The following FASTKD1 variants were observed in gnomAD, a reference collection of about 807,000 sequenced individuals.
The protein encoded by FASTKD1 is FAST kinase domain-containing protein 1, mitochondrial.
Under a neutral mutation model 90.9 loss-of-function variants are expected in FASTKD1, and 94 were observed. That is an observed-to-expected ratio of 1.03 (90% CI 0.88 to 1.23). The LOEUF is 1.23. Ranked by LOEUF, FASTKD1 falls within the 50% of genes most tolerant of loss-of-function variation. FASTKD1 has a pLI of 0.00. For missense variants in FASTKD1, 945 were observed against 993.5 expected, an observed-to-expected ratio of 0.95 and a Z score of 0.66; for synonymous variants, 319 against 345.8, an observed-to-expected ratio of 0.92 and a Z score of 0.86.
chr2:169,540,265 T>C, intron 9 of FASTKD1, 86 bp from the exon 10 acceptor site: 2 of 1,286,742 alleles, frequency 1.6e-6, no homozygotes, highest in Non-Finnish European at 1.0e-6. Flanking sequence ...CCCAGGTTTT[T>C]AAAAAAAAGA....
chr2:169,558,873 A>C (rs1189162772), intron 5 of FASTKD1, among the ~76,000 whole-genome samples: 1 of 149,706 alleles, frequency 6.7e-6, no homozygotes, highest in Non-Finnish European at 1.5e-5. Flanking sequence ...ACAGGTGTGA[A>C]CCACCGTGCT....
intron 3 of FASTKD1, among the ~76,000 whole-genome samples, chr2:169,563,953 T>C (rs934630784): frequency 2.0e-5 from 3 of 152,182 alleles, no homozygotes; most frequent in Non-Finnish European, 4.4e-5. Flanking sequence ...GGGTACATAC[T>C]ATAGGATTCC....
chr2:169,561,950 A>ATTAATTTATTGTAAATTAT (rs1559157103), intron 4 of FASTKD1, among the ~76,000 whole-genome samples: 2 of 74,502 alleles, frequency 2.7e-5, no homozygotes, highest in Non-Finnish European at 5.3e-5. Context: ...TTATAAATTA[A>ATTAATTTATTGTAAATTAT]TTATTAATTT....
At chr2:169,548,745 A>C (rs1321269147) in intron 7 of FASTKD1, among the ~76,000 whole-genome samples, 1 of 150,154 alleles carries the variant, frequency 6.7e-6, no homozygotes, top group Non-Finnish European at 1.5e-5. Context: ...AAAAAAAAAA[A>C]AAAAAAAAAA....
At chr2:169,538,342 T>G (rs1684815987) in intron 10 of FASTKD1, among the ~76,000 whole-genome samples, 1 of 152,202 alleles carries the variant, frequency 6.6e-6, no homozygotes. Flanking sequence ...GACCAACTCC[T>G]GCACTGTTCT....
rs746270 is a variant in FASTKD1, at chr2:169,573,525, A to C, written c.-143+144T>G. On this transcript the variant is annotated intron_variant, in intron 1 of 14. Coordinates refer to ENST00000453153, the MANE Select transcript of FASTKD1 (RefSeq NM_024622.6). ...CAAATGAGTGAATGAATGGGGTCTC[A>C]GCCCTGCCCTAGTCCATCCGCACTT... The C allele has an allele frequency of 3.3e-5, 5 of 152,372 alleles. No homozygotes were observed. The East Asian group carries it at 9.6e-4, about 29-fold the overall frequency. 9.4% of individuals were successfully genotyped at this position (152,372 alleles called of 1,614,324 possible). A position where few individuals can be genotyped will look rare whatever the true frequency, so the allele number is the denominator to read the frequency against.
Position 169,529,781 on chromosome 2 carries a change from T to C in FASTKD1, c.*44A>G. The stretch of plus-strand genomic sequence containing the variant: ...ATTGAGACAGGCCACTTTATTAAAA[T>C]AGGTCCAAATGTAACACACGATAAC... On this transcript the variant is annotated 3_prime_UTR_variant, in exon 15 of 15. Coordinates refer to ENST00000453153, the MANE Select transcript of FASTKD1 (RefSeq NM_024622.6). The C allele has an allele frequency of 7.2e-7, 1 of 1,383,344 alleles. No individual in the cohort carries two copies. The highest frequency in any genetic ancestry group is 1.8e-4 in the Middle Eastern group (1 of 5,422). The allele number at this position is 1,383,344 out of a possible 1,614,324, so 85.7% of individuals were successfully genotyped here.
At chr2:169,531,095 G>C in intron 13 of FASTKD1, 1 of 709,378 alleles carries the variant, frequency 1.4e-6, no homozygotes, top group East Asian at 2.8e-5. Context: ...GTATGGGAGC[G>C]CAAAAGAAGA....
In FASTKD1 at chr2:169,571,902, A is replaced by G. The variant is rs753015197; in HGVS notation, c.128T>C (p.Met43Thr). ...TTGCTCCTCATCTGTACACTTATTC[A>G]TCTGAATAATTAGTGGTTCACAACT... is the stretch of plus-strand genomic sequence containing the variant. ...PISCEPLIIQ[M>T]NKCTDEEQMF... The change falls in exon 2 of 15, where the codon ATG becomes ACG. Residue 43 changes from methionine to threonine, a missense_variant. By Grantham distance (81) the Met-to-Thr change is moderately conservative (BLOSUM62 -1). Transcript: ENST00000453153. 6.2e-7 allele frequency: 1 copy of G among 1,613,934 alleles called. No homozygotes were observed. Among genetic ancestry groups the G allele is most frequent in the Admixed American group, 1.7e-5 (1 of 60,000 alleles).
At chr2:169,554,108 CAA>C (rs368580097) in intron 7 of FASTKD1, among the ~76,000 whole-genome samples, 3 of 118,620 alleles carry the variant, frequency 2.5e-5, no homozygotes, top group Non-Finnish European at 1.8e-5. Context: ...CCCATCTCTA[CAA>C]AAAAAAAAAA....
chr2:169,560,844 T>G, intron 4 of FASTKD1, 59 bp from the exon 5 acceptor site: 1 of 1,165,096 alleles, frequency 8.6e-7, no homozygotes, highest in African/African-American at 1.6e-5. Context: ...CAATTCTTTT[T>G]TTTTTTTTTT....
At position 169,563,739 on chromosome 2, in the gene FASTKD1, T is replaced by C. The variant is rs79181826; in HGVS notation, c.447-389A>G. On this transcript the variant is annotated intron_variant, in intron 3 of 14. Coordinates refer to ENST00000453153, the MANE Select transcript of FASTKD1 (RefSeq NM_024622.6). The stretch of plus-strand genomic sequence containing the variant: ...GAGAGGAAAAAGGAACTGTTATAGA[T>C]TTTATGACTTTGAATTCACTAAAAA... Among the ~76,000 whole-genome samples the C allele has an allele frequency of 8.4e-3, 1,275 of 152,256 alleles. 17 individuals carry two copies. Among genetic ancestry groups the C allele is most frequent in the Middle Eastern group, 0.027 (8 of 294 alleles).
chr2:169,553,966 A>G (rs1330640125), intron 7 of FASTKD1, among the ~76,000 whole-genome samples: 1 of 151,530 alleles, frequency 6.6e-6, no homozygotes, highest in Non-Finnish European at 1.5e-5. Context: ...CTAGATGGGC[A>G]TGCTGGTTCA....
chr2:169,555,060 T>C, intron 7 of FASTKD1, 64 bp downstream of exon 7: 3 of 1,504,190 alleles, frequency 2.0e-6, no homozygotes, highest in Non-Finnish European at 2.7e-6. Context: ...TGTACATAGT[T>C]AAACAAAACA....
intron 7 of FASTKD1, among the ~76,000 whole-genome samples, chr2:169,551,650 A>G (rs1413164524): frequency 1.3e-5 from 2 of 152,140 alleles, no homozygotes; most frequent in African/African-American, 4.8e-5. Flanking sequence ...TACAAAAAGT[A>G]GCTGGGTGTG....
intron 7 of FASTKD1, among the ~76,000 whole-genome samples, chr2:169,549,601 G>A (rs1685399971): frequency 6.6e-6 from 1 of 151,716 alleles, no homozygotes. Context: ...ACACACTGGG[G>A]ATATAGGTAC....
At chr2:169,561,018 G>C (rs577568106) in intron 4 of FASTKD1, among the ~76,000 whole-genome samples, 1 of 150,822 alleles carries the variant, frequency 6.6e-6, no homozygotes, top group South Asian at 2.1e-4. Context: ...AAGGCAAGGG[G>C]CTGGGCATGG....
At chr2:169,542,876 T>TA (rs1685015637) in intron 9 of FASTKD1, among the ~76,000 whole-genome samples, 1 of 152,132 alleles carries the variant, frequency 6.6e-6, no homozygotes, top group Non-Finnish European at 1.5e-5. Context: ...AAAATCTAAA[T>TA]AGACAGAAAC....
chr2:169,543,870 T>G (rs1685068711), intron 9 of FASTKD1, among the ~76,000 whole-genome samples: 1 of 151,000 alleles, frequency 6.6e-6, no homozygotes, highest in Non-Finnish European at 1.5e-5. Context: ...AATTCTAAAC[T>G]ATAAGAGACT....
Sources: gnomAD v4.1 joint callset for allele counts (sites outside exome capture counted in the v4.1 genomes callset) on GRCh38, gnomAD v4.1.1 for gene constraint, MANE v1.5 for transcripts, NCBI Gene and HGNC (gene_info 2026-07-23, HGNC 2026-07-21) for gene names.